Variants in GAREM1 observed in about 807,000 individuals in gnomAD.
The protein encoded by GAREM1 is GRB2 associated regulator of MAPK1 subtype 1.
A neutral mutation model predicts 71.3 loss-of-function variants in GAREM1; 26 were observed. The ratio of observed to expected loss-of-function variants is 0.36; its 90% CI spans 0.27 to 0.51. The LOEUF (loss-of-function observed/expected upper bound fraction) is 0.51, where lower values mean the gene tolerates loss of function less well. Among genes scored for constraint, GAREM1 ranks in the 20% least tolerant of loss-of-function variants. The pLI is 0.95. For synonymous variants in GAREM1, 440 were observed against 433.2 expected, an observed-to-expected ratio of 1.02 and a Z score of -0.20; for missense variants, 1,026 against 1,103.1, an observed-to-expected ratio of 0.93 and a Z score of 0.99.
chr18:32,290,312 A>G (rs1167052484), intron 3 of GAREM1: 2 of 152,204 alleles, frequency 1.3e-5, no homozygotes, highest in Non-Finnish European at 2.9e-5. Flanking sequence ...CTCAAAAAGT[A>G]TGTGGATGGC....
intron 2 of GAREM1, among the ~76,000 whole-genome samples, chr18:32,339,405 T>C (rs2047627886): frequency 6.6e-6 from 1 of 152,196 alleles, no homozygotes; most frequent in Non-Finnish European, 1.5e-5. Context: ...GATATTTCTG[T>C]ATATTACAGC....
intron 1 of GAREM1, among the ~76,000 whole-genome samples, chr18:32,441,408 G>A (rs930234826): frequency 3.3e-5 from 5 of 151,972 alleles, no homozygotes; most frequent in Non-Finnish European, 5.9e-5. Flanking sequence ...AAAGAACACT[G>A]CTTGATACAG....
At chr18:32,334,416 T>C (rs370824317) in intron 2 of GAREM1, among the ~76,000 whole-genome samples, 2 of 151,206 alleles carry the variant, frequency 1.3e-5, no homozygotes, top group South Asian at 4.2e-4. Context: ...ACAGGAAAAA[T>C]AGGAAAGTGC....
chr18:32,453,252 A>G, intron 1 of GAREM1, among the ~76,000 whole-genome samples: 1 of 152,112 alleles, frequency 6.6e-6, no homozygotes, highest in Non-Finnish European at 1.5e-5. Context: ...TGCACCCAGG[A>G]TTCAATTATC....
chr18:32,307,344 C>T (rs1452469534), intron 3 of GAREM1, among the ~76,000 whole-genome samples: 1 of 152,102 alleles, frequency 6.6e-6, no homozygotes, highest in African/African-American at 2.4e-5. Context: ...AGGGTGAAAT[C>T]TTCTAAGAAG....
At chr18:32,440,100 T>C (rs565807134) in intron 1 of GAREM1, among the ~76,000 whole-genome samples, 2 of 152,212 alleles carry the variant, frequency 1.3e-5, no homozygotes, top group Non-Finnish European at 2.9e-5. Context: ...ATTTCAGGCA[T>C]TTATTTGATT....
In GAREM1 at chr18:32,263,968, T is replaced by C. The variant is rs2041339255; in HGVS notation, c.*3903A>G. 6.6e-6 allele frequency: 1 copy of C among 152,218 alleles called. No homozygotes were observed. The highest frequency in any genetic ancestry group is 6.5e-5 in the Admixed American group (1 of 15,286). The allele number at this position is 152,218 out of a possible 1,614,324, so 9.4% of individuals were successfully genotyped here. A position where few individuals can be genotyped will look rare whatever the true frequency, so the allele number is the denominator to read the frequency against. On this transcript the variant is annotated 3_prime_UTR_variant, in exon 6 of 6. Coordinates refer to ENST00000269209, the MANE Select transcript of GAREM1 (RefSeq NM_001242409.2). ...ATTAGAGCAGCAAAATTACAGAAGA[T>C]ATTTGTATATAGTTTAAACTGAAAT...
Position 32,414,983 on chromosome 18 carries a change from A to G in GAREM1, c.122-21948T>C, listed in dbSNP as rs527738109. On this transcript the variant is annotated intron_variant, in intron 1 of 5. Transcript: ENST00000269209. ...TTAGCAGACTAAGAAAAAAAGGGAG[A>G]AGACTCAAATAAATAAAATTTGAAA... Among the ~76,000 whole-genome samples, 194 of 152,248 alleles carry G rather than the reference A, an allele frequency of 1.3e-3. 1 individual carries two copies. The highest frequency in any genetic ancestry group is 4.5e-3 in the African/African-American group (186 of 41,590).
At chr18:32,363,903 T>TACACAC (rs151234771) in intron 2 of GAREM1, among the ~76,000 whole-genome samples, 25 of 142,864 alleles carry the variant, frequency 1.7e-4, no homozygotes, top group African/African-American at 5.0e-4. Flanking sequence ...GTCAAGGTTA[T>TACACAC]ACACACACAC....
chr18:32,371,794 G>C (rs1382153043), intron 2 of GAREM1, among the ~76,000 whole-genome samples: 2 of 152,098 alleles, frequency 1.3e-5, no homozygotes, highest in Non-Finnish European at 2.9e-5. Context: ...GTGATGTCTT[G>C]GTAGCCCTGA....
intron 2 of GAREM1, among the ~76,000 whole-genome samples, chr18:32,388,829 C>A (rs148086616): frequency 6.6e-6 from 1 of 151,986 alleles, no homozygotes; most frequent in Non-Finnish European, 1.5e-5. Flanking sequence ...GTCCCAGAGG[C>A]GGAAAAAATG....
intron 2 of GAREM1, among the ~76,000 whole-genome samples, chr18:32,351,694 CCTCT>C (rs910711549): frequency 1.2e-4 from 18 of 147,622 alleles, no homozygotes; most frequent in African/African-American, 3.1e-4. Flanking sequence ...CAAGCAATAC[CCTCT>C]CTCTTTTTTT....
chr18:32,385,632 A>T (rs1306496976), intron 2 of GAREM1, among the ~76,000 whole-genome samples: 1 of 152,164 alleles, frequency 6.6e-6, no homozygotes, highest in African/African-American at 2.4e-5. Context: ...CTGTGAAAGG[A>T]AGAAAAGTGA....
chr18:32,333,967 C>T (rs2047563651), intron 2 of GAREM1, among the ~76,000 whole-genome samples: 1 of 152,148 alleles, frequency 6.6e-6, no homozygotes. Context: ...GCCACAACCA[C>T]ACAGGCCAGC....
intron 2 of GAREM1, among the ~76,000 whole-genome samples, chr18:32,312,181 C>T (rs1043294082): frequency 6.6e-6 from 1 of 152,160 alleles, no homozygotes; most frequent in Non-Finnish European, 1.5e-5. Flanking sequence ...AGAAGTCTGG[C>T]TGGAAAGAAT....
At chr18:32,312,774 A>G (rs553582751) in intron 2 of GAREM1, among the ~76,000 whole-genome samples, 1 of 152,268 alleles carries the variant, frequency 6.6e-6, no homozygotes, top group Non-Finnish European at 1.5e-5. Flanking sequence ...TTGGAACCCA[A>G]TTGTTGAGCA....
chr18:32,383,211 A>G (rs1289454041), intron 2 of GAREM1, among the ~76,000 whole-genome samples: 1 of 152,232 alleles, frequency 6.6e-6, no homozygotes, highest in Non-Finnish European at 1.5e-5. Flanking sequence ...ATCAACACAG[A>G]CACGTCTGAA....
chr18:32,294,989 A>C (rs559923111), intron 3 of GAREM1, among the ~76,000 whole-genome samples: 9 of 152,284 alleles, frequency 5.9e-5, no homozygotes, highest in Admixed American at 5.9e-4. Flanking sequence ...TCTACAAATA[A>C]AATTTTTAAA....
intron 2 of GAREM1, among the ~76,000 whole-genome samples, chr18:32,367,394 T>G (rs2047936828): frequency 6.6e-6 from 1 of 152,180 alleles, no homozygotes; most frequent in Non-Finnish European, 1.5e-5. Flanking sequence ...AAGACTAAGA[T>G]TATATACTGA....
Sources: allele counts gnomAD v4.1 joint callset (sites outside exome capture counted in the v4.1 genomes callset), GRCh38; gene constraint gnomAD v4.1.1; transcripts MANE v1.5; gene names NCBI Gene and HGNC (gene_info 2026-07-23, HGNC 2026-07-21).